The following MED13L variants were observed in gnomAD, a reference collection of about 807,000 sequenced individuals.
MED13L encodes the protein mediator complex subunit 13L, also known as mediator of RNA polymerase II transcription subunit 13-like.
A neutral mutation model predicts 220.9 loss-of-function variants in MED13L; 7 were observed. The observed-to-expected ratio is 0.03, with a 90% CI of 0.02 to 0.06. The LOEUF is 0.06. Among genes scored for constraint, MED13L ranks in the 10% least tolerant of loss-of-function variants. MED13L has a pLI of 1.00. For synonymous variants in MED13L, 1,011 were observed against 1,015.2 expected (o/e 1.00, Z 0.08); for missense variants, 1,965 against 2,760.5 (o/e 0.71, Z 6.46).
chr12:116,129,799 C>T (rs901917602), intron 2 of MED13L, among the ~76,000 whole-genome samples: 1 of 151,956 alleles, frequency 6.6e-6, no homozygotes, highest in Admixed American at 6.6e-5. Context: ...GTCTCAGCTA[C>T]TCTGGAGGCT....
chr12:116,231,343 T>A (rs1443743923), intron 2 of MED13L, among the ~76,000 whole-genome samples: 1 of 152,216 alleles, frequency 6.6e-6, no homozygotes, highest in African/African-American at 2.4e-5. Context: ...TCTGATGTGA[T>A]GCCGTGGAAA....
intron 4 of MED13L, among the ~76,000 whole-genome samples, chr12:116,039,101 T>G (rs1881373164): frequency 6.6e-6 from 1 of 152,224 alleles, no homozygotes; most frequent in African/African-American, 2.4e-5. Context: ...TAACATAAAA[T>G]TATTTTCTGT....
At chr12:116,271,904 A>AAC (rs1213656729) in intron 1 of MED13L, among the ~76,000 whole-genome samples, 43 of 151,986 alleles carry the variant, frequency 2.8e-4, no homozygotes, top group East Asian at 3.9e-4. Flanking sequence ...TTTCAAAAAA[A>AAC]ACACACACAC....
At chr12:116,220,420 C>G (rs1052868255) in intron 2 of MED13L, among the ~76,000 whole-genome samples, 1 of 152,058 alleles carries the variant, frequency 6.6e-6, no homozygotes, top group Non-Finnish European at 1.5e-5. Flanking sequence ...AACATAGGGC[C>G]GGACGTGGTG....
At chr12:116,154,210 A>G (rs1878266113) in intron 2 of MED13L, among the ~76,000 whole-genome samples, 2 of 152,186 alleles carry the variant, frequency 1.3e-5, no homozygotes, top group African/African-American at 4.8e-5. Context: ...TGGTTTGCCA[A>G]AACAAAGTCA....
At chr12:116,191,091 CAAAAA>C (rs558125739) in intron 2 of MED13L, among the ~76,000 whole-genome samples, 1 of 66,004 alleles carries the variant, frequency 1.5e-5, no homozygotes, top group African/African-American at 5.1e-5. Flanking sequence ...GACTCTGTCT[CAAAAA>C]AAAAAAAAAA....
intron 2 of MED13L, among the ~76,000 whole-genome samples, chr12:116,219,866 C>T (rs779148095): frequency 2.0e-5 from 3 of 152,106 alleles, no homozygotes; most frequent in Non-Finnish European, 4.4e-5. Context: ...GGCATCATCT[C>T]GGCTCACTGC....
At position 115,972,036 on chromosome 12, in the gene MED13L, G is replaced by A. The variant is rs755402424; in HGVS notation, c.5890+42C>T. ...GACTTAAGTTTGAGTGGACTGAATTGATGTGATATGTAATTAATGACAATG... is the reference window on the plus strand; with the variant it reads ...GACTTAAGTTTGAGTGGACTGAATTAATGTGATATGTAATTAATGACAATG... On this transcript the variant is annotated intron_variant, in intron 26 of 30. Transcript: ENST00000281928. 1.9e-6 allele frequency: 3 copies of A among 1,601,964 alleles called. No homozygotes were observed. In the South Asian group the frequency reaches 3.3e-5, roughly 18 times the overall value.
chr12:116,159,656 T>C (rs1344632949), intron 2 of MED13L, among the ~76,000 whole-genome samples: 3 of 152,190 alleles, frequency 2.0e-5, no homozygotes, highest in Non-Finnish European at 4.4e-5. Context: ...GTAAGCTGTT[T>C]GTCAAAATGA....
At chr12:115,973,275 C>A (rs1876712328) in intron 25 of MED13L, among the ~76,000 whole-genome samples, 1 of 152,156 alleles carries the variant, frequency 6.6e-6, no homozygotes, top group Non-Finnish European at 1.5e-5. Flanking sequence ...AACAGAAATT[C>A]ACAAAGCTGA....
chr12:116,012,852 G>A lies in MED13L; in HGVS notation c.1225C>T (p.Pro409Ser). 1 of 1,613,962 alleles carries A rather than the reference G, an allele frequency of 6.2e-7. No individual in the cohort carries two copies. The highest frequency in any genetic ancestry group is 8.5e-7 in the Non-Finnish European group (1 of 1,179,892). The change falls in exon 9 of 31, where the codon CCT becomes TCT. Residue 409 changes from proline to serine, a missense_variant. This residue lies in a region of MED13L where 818 missense variants were observed against 1,041.2 expected (regional missense o/e 0.79). Transcript: ENST00000281928. ...GGATCCACAAAATCCCAAGTAGCAGGATTGCTAGCAGGCTCTTCTTCAAGA... is the reference window on the plus strand; with the variant it reads ...GGATCCACAAAATCCCAAGTAGCAGAATTGCTAGCAGGCTCTTCTTCAAGA... ...PTLEEEPASN[P>S]ATWDFVDPTQ... is the part of the protein sequence containing the mutation.
intron 2 of MED13L, among the ~76,000 whole-genome samples, chr12:116,199,587 A>G (rs934681363): frequency 2.7e-4 from 41 of 152,212 alleles, no homozygotes; most frequent in African/African-American, 9.4e-4. Context: ...TAAGCATGTA[A>G]AAGCATTAGC....
At chr12:116,072,612 C>A (rs954896426) in intron 4 of MED13L, among the ~76,000 whole-genome samples, 1 of 152,078 alleles carries the variant, frequency 6.6e-6, no homozygotes, top group African/African-American at 2.4e-5. Context: ...CCACGATGCC[C>A]GGCTAATTTT....
In MED13L at chr12:116,015,189, C is replaced by A. The variant is rs144327790; in HGVS notation, c.1095G>T (p.Ser365=). ...TGTGGAGTTTTGGAGGAATCTTCCC[C>A]GATCTCTTTGGACTGTGCATCGTTA... ...GMITMHSPKR[S]GKIPPKLHNH... is the part of the protein sequence containing the mutation. The change falls in exon 8 of 31, where the codon TCG becomes TCT. Residue 365 remains serine (S), a synonymous_variant. Transcript: ENST00000281928. The A allele has an allele frequency of 6.8e-6, 11 of 1,613,712 alleles. No homozygotes were observed. The highest frequency in any genetic ancestry group is 9.3e-6 in the Non-Finnish European group (11 of 1,179,834).
At chr12:116,084,788 A>AC (rs1565869437) in intron 4 of MED13L, among the ~76,000 whole-genome samples, 1 of 152,024 alleles carries the variant, frequency 6.6e-6, no homozygotes, top group East Asian at 1.9e-4. Flanking sequence ...AAAAAAAAAA[A>AC]AGAAGTAGAA....
At chr12:116,133,665 G>A (rs553118939) in intron 2 of MED13L, among the ~76,000 whole-genome samples, 1 of 152,176 alleles carries the variant, frequency 6.6e-6, no homozygotes, top group Non-Finnish European at 1.5e-5. Flanking sequence ...TCAAGTGATA[G>A]GATCAATATT....
chr12:116,019,681 G>GT, intron 6 of MED13L, 97 bp downstream of exon 6: 1 of 1,387,306 alleles, frequency 7.2e-7, no homozygotes, highest in East Asian at 2.3e-5. Context: ...AAAAAGATGG[G>GT]TATGGAGATT....
intron 13 of MED13L, among the ~76,000 whole-genome samples, chr12:116,004,975 A>G (rs1173610557): frequency 6.6e-6 from 1 of 152,224 alleles, no homozygotes; most frequent in Non-Finnish European, 1.5e-5. Context: ...TAAGTACATT[A>G]TAACTTTATG....
chr12:116,221,500 C>T (rs918849910), intron 2 of MED13L, among the ~76,000 whole-genome samples: 3 of 152,086 alleles, frequency 2.0e-5, no homozygotes, highest in Admixed American at 1.3e-4. Context: ...GCACCTACCA[C>T]AATGCCTAGT....
Sources: gnomAD v4.1 joint callset for allele counts (sites outside exome capture counted in the v4.1 genomes callset) on GRCh38, gnomAD v4.1.1 for gene constraint, gnomAD v4.1.1 regional missense constraint, MANE v1.5 for transcripts, NCBI Gene and HGNC (gene_info 2026-07-23, HGNC 2026-07-21) for gene names.